Variants in PHF14 observed in about 807,000 individuals in gnomAD.
The protein encoded by PHF14 is PHD finger protein 14.
Under a neutral mutation model 117.9 loss-of-function variants are expected in PHF14, and 55 were observed. That is an observed-to-expected ratio of 0.47 (90% CI 0.38 to 0.58). The LOEUF (loss-of-function observed/expected upper bound fraction) is 0.58, where lower values mean the gene tolerates loss of function less well. Among genes scored for constraint, PHF14 ranks in the 20% least tolerant of loss-of-function variants. PHF14 has a pLI of 0.00. For missense variants in PHF14, 978 were observed against 1,122.2 expected, an observed-to-expected ratio of 0.87 and a Z score of 1.84; for synonymous variants, 409 against 368.6, an observed-to-expected ratio of 1.11 and a Z score of -1.26.
At chr7:11,092,338 AGTG>A (rs932813250) in intron 16 of PHF14, among the ~76,000 whole-genome samples, 28 of 152,298 alleles carry the variant, frequency 1.8e-4, no homozygotes, top group African/African-American at 6.0e-4. Context: ...AAAATTCTGA[AGTG>A]GTGACCAAGA....
intron 14 of PHF14, among the ~76,000 whole-genome samples, chr7:11,060,254 T>G (rs1785173373): frequency 6.6e-6 from 1 of 152,228 alleles, no homozygotes; most frequent in South Asian, 2.1e-4. Flanking sequence ...TAAATTTATT[T>G]TATTAAAACA....
At chr7:11,037,872 G>T (rs1231210713) in intron 10 of PHF14, among the ~76,000 whole-genome samples, 1 of 152,134 alleles carries the variant, frequency 6.6e-6, no homozygotes, top group Non-Finnish European at 1.5e-5. Flanking sequence ...TGTGATCTTG[G>T]CCAACTCACA....
intron 4 of PHF14, among the ~76,000 whole-genome samples, chr7:11,002,835 G>A (rs9639070): frequency 6.6e-6 from 1 of 152,316 alleles, no homozygotes; most frequent in East Asian, 1.9e-4. Flanking sequence ...AAAAATTAAC[G>A]GTGTGAGCAC....
chr7:11,075,101 C>G (rs1387869495), intron 16 of PHF14, among the ~76,000 whole-genome samples: 1 of 151,974 alleles, frequency 6.6e-6, no homozygotes, highest in Non-Finnish European at 1.5e-5. Flanking sequence ...TCACACCTGG[C>G]TAATTTTTTG....
Position 10,990,864 on chromosome 7 carries a change from T to G in PHF14, c.1045+17T>G. On this transcript the variant is annotated intron_variant, in intron 4 of 17. Coordinates refer to ENST00000634607, the MANE Select transcript of PHF14 (RefSeq NM_001007157.2). The stretch of plus-strand genomic sequence containing the variant: ...TCCATGAAGGTAATGTTGCTTTCTT[T>G]TCTCTCTTTTTAGAAATGGCTGACT... The G allele has an allele frequency of 1.9e-6, 3 of 1,549,328 alleles. No homozygotes were observed. The highest frequency in any genetic ancestry group is 2.6e-6 in the Non-Finnish European group (3 of 1,142,334).
At chr7:11,129,252 A>G (rs1684898866) in intron 17 of PHF14, among the ~76,000 whole-genome samples, 1 of 152,108 alleles carries the variant, frequency 6.6e-6, no homozygotes, top group Non-Finnish European at 1.5e-5. Flanking sequence ...TATTGAAACA[A>G]CAAATGATGT....
At chr7:11,047,477 G>A (rs986203355) in intron 13 of PHF14, among the ~76,000 whole-genome samples, 7 of 151,860 alleles carry the variant, frequency 4.6e-5, no homozygotes, top group African/African-American at 1.5e-4. Flanking sequence ...GTTGTATGGT[G>A]CTAGAAACAT....
chr7:11,106,194 A>G (rs960475248), intron 16 of PHF14: 1 of 981,064 alleles, frequency 1.0e-6, no homozygotes, highest in African/African-American at 1.8e-5. Flanking sequence ...AGCTAACTGA[A>G]TTGATCCCAC....
At chr7:11,105,626 G>C (rs1787232671) in intron 16 of PHF14, 1 of 984,572 alleles carries the variant, frequency 1.0e-6, no homozygotes. Context: ...CTACCTGTCT[G>C]AATCAGCACT....
chr7:11,111,526 A>G (rs1199501227), intron 17 of PHF14, 59 bp downstream of exon 17: 4 of 785,300 alleles, frequency 5.1e-6, no homozygotes, highest in Middle Eastern at 2.3e-4. Context: ...TAGCTTTCCC[A>G]TGTCACACAA....
In PHF14 at chr7:11,042,806, C is replaced by CA; in HGVS notation, c.2305dup (p.Ser769LysfsTer9). On this transcript the variant is annotated frameshift_variant, in exon 13 of 18. Transcript: ENST00000634607. LOFTEE classifies it high-confidence loss of function. ...CAAGGATGCCAAGAAAGACCAAAAA[C>CA]AGTTATTGGTGAGTAAAATAGAGGA... The CA allele has an allele frequency of 1.9e-6, 3 of 1,572,870 alleles. No homozygotes were observed. Among genetic ancestry groups the CA allele is most frequent in the Non-Finnish European group, 2.6e-6 (3 of 1,155,222 alleles).
rs1583326159 is a variant in PHF14, at chr7:10,982,713, A to C, written c.454A>C (p.Thr152Pro). 6.2e-7 allele frequency: 1 copy of C among 1,611,794 alleles called. No homozygotes were observed. Among genetic ancestry groups the C allele is most frequent in the Non-Finnish European group, 8.5e-7 (1 of 1,178,844 alleles). Residue 152 changes from threonine to proline, a missense_variant, in exon 3 of 18, where the codon ACA becomes CCA. Physicochemically the swap from Thr to Pro is conservative, Grantham distance 38. Transcript: ENST00000634607. ...TGTGGCTGCTTCTGCTGCTGCCACC[A>C]CACCAGCCACAAGTCCTCCTGCTGT... is the stretch of plus-strand genomic sequence containing the variant. Reference protein sequence around the residue: ...ENVAASAAATTPATSPPAVNT... With the variant: ...ENVAASAAATPPATSPPAVNT...
intron 5 of PHF14, among the ~76,000 whole-genome samples, chr7:11,021,693 A>G (rs1014793568): frequency 3.2e-4 from 49 of 152,180 alleles, no homozygotes; most frequent in African/African-American, 1.0e-3. Context: ...TGCTTGTTGA[A>G]GATGTGTATC....
intron 13 of PHF14, among the ~76,000 whole-genome samples, chr7:11,045,694 A>G (rs1003025218): frequency 6.6e-6 from 1 of 152,198 alleles, no homozygotes; most frequent in Admixed American, 6.5e-5. Context: ...GTGACATCAA[A>G]GAAAAGATGG....
At chr7:11,008,355 A>G (rs28414411) in intron 4 of PHF14, among the ~76,000 whole-genome samples, 1 of 152,126 alleles carries the variant, frequency 6.6e-6, no homozygotes, top group African/African-American at 2.4e-5. Context: ...GGGGTCCCCA[A>G]CCAGGTGGTA....
chr7:11,036,046 G>A (rs1784317082), intron 8 of PHF14, among the ~76,000 whole-genome samples: 2 of 152,096 alleles, frequency 1.3e-5, no homozygotes, highest in South Asian at 4.1e-4. Context: ...CTCTATCAGT[G>A]CAATATATTT....
intron 17 of PHF14, among the ~76,000 whole-genome samples, chr7:11,165,986 C>T (rs117020725): frequency 0.018 from 2,789 of 152,198 alleles, 34 homozygotes; most frequent in Middle Eastern, 0.044. Context: ...CAATTCTGTC[C>T]GTGTAAAAAG....
chr7:11,015,669 G>T (rs1375248802), intron 5 of PHF14, among the ~76,000 whole-genome samples: 1 of 152,044 alleles, frequency 6.6e-6, no homozygotes, highest in Non-Finnish European at 1.5e-5. Context: ...GATGATCCAT[G>T]AGAAACAACT....
At chr7:11,006,927 C>A in intron 4 of PHF14, 1 of 458,650 alleles carries the variant, frequency 2.2e-6, no homozygotes, top group Non-Finnish European at 4.1e-6. Context: ...TTAATCCCAG[C>A]ATGTTGGGAG....
Sources: allele counts gnomAD v4.1 joint callset (sites outside exome capture counted in the v4.1 genomes callset), GRCh38; gene constraint gnomAD v4.1.1; transcripts MANE v1.5; gene names NCBI Gene and HGNC (gene_info 2026-07-23, HGNC 2026-07-21).